CEMIP: variants seen among roughly 807,000 people sequenced by gnomAD.
The protein encoded by CEMIP is cell migration inducing hyaluronidase 1.
A neutral mutation model predicts 156.9 loss-of-function variants in CEMIP; 105 were observed. The observed-to-expected ratio is 0.67, with a 90% CI of 0.57 to 0.79. CEMIP has a LOEUF of 0.79. Among genes scored for constraint, CEMIP ranks in the 30% least tolerant of loss-of-function variants. The probability of loss-of-function intolerance (pLI) is 0.00; values close to 1 mark genes in which losing one functional copy is unlikely to be tolerated. For missense variants in CEMIP, 1,457 were observed against 1,769.4 expected, an observed-to-expected ratio of 0.82 and a Z score of 3.17; for synonymous variants, 676 against 668.4, an observed-to-expected ratio of 1.01 and a Z score of -0.17.
At chr15:80,889,159 C>T (rs1284277584) in intron 9 of CEMIP, among the ~76,000 whole-genome samples, 2 of 152,220 alleles carry the variant, frequency 1.3e-5, no homozygotes, top group Admixed American at 1.3e-4. Context: ...AAGCAGCAAT[C>T]CTAGTTGCAG....
Position 80,909,300 on chromosome 15 carries a change from C to T in CEMIP, c.1791C>T (p.Gly597=), listed in dbSNP as rs763278363. The T allele has an allele frequency of 1.9e-6, 3 of 1,613,996 alleles. No homozygotes were observed. Among genetic ancestry groups the T allele is most frequent in the Middle Eastern group, 1.6e-4 (1 of 6,062 alleles). The change falls in exon 14 of 30, where the codon GGC becomes GGT. Residue 597 remains glycine (G), a synonymous_variant. Transcript: ENST00000394685. ...GCGTCACAGTCCATGGCTCCAATGG[C>T]TTGTTGGTAAGAACCTCCTTCCCTC... ...SRCVTVHGSN[G]LLIKDVVGYN...
rs1268316044 is a variant in CEMIP, at chr15:80,949,168, C to T, written c.*244C>T. On this transcript the variant is annotated 3_prime_UTR_variant, in exon 30 of 30. Transcript: ENST00000394685. Reference sequence around the variant, plus strand: ...AATGCTGGAAACATTCACTTTCCTGCAGCCTCTTGGGTGCTTCTCTCCTAT... The same window carrying T: ...AATGCTGGAAACATTCACTTTCCTGTAGCCTCTTGGGTGCTTCTCTCCTAT... The T allele has an allele frequency of 9.0e-6, 5 of 558,400 alleles. No homozygotes were observed. Among genetic ancestry groups the T allele is most frequent in the Non-Finnish European group, 1.3e-5 (4 of 309,924 alleles). The allele number at this position is 558,400 out of a possible 1,614,324, so 34.6% of individuals were successfully genotyped here.
chr15:80,785,340 A>G lies in CEMIP; in HGVS notation c.-176+5726A>G, dbSNP rs187367496. On this transcript the variant is annotated intron_variant, in intron 1 of 29. Coordinates refer to ENST00000394685, the MANE Select transcript of CEMIP (RefSeq NM_001293298.2). ...AATTAAGGCCCAATTATCTTCCTCAACCCCCTCCCTGTGGCACTCCTGGGA... is the reference window on the plus strand; with the variant it reads ...AATTAAGGCCCAATTATCTTCCTCAGCCCCCTCCCTGTGGCACTCCTGGGA... Among the ~76,000 whole-genome samples, 1,260 of 151,854 alleles carry G rather than the reference A, an allele frequency of 8.3e-3. 6 individuals carry two copies. The highest frequency in any genetic ancestry group is 0.014 in the Non-Finnish European group (920 of 67,938).
chr15:80,935,815 T>C (rs1901099636), intron 23 of CEMIP, among the ~76,000 whole-genome samples: 1 of 152,078 alleles, frequency 6.6e-6, no homozygotes, highest in African/African-American at 2.4e-5. Context: ...CTCGGCTCAC[T>C]GCAACCCCCG....
intron 12 of CEMIP, among the ~76,000 whole-genome samples, chr15:80,903,645 C>A (rs1377890373): frequency 1.3e-5 from 2 of 152,112 alleles, no homozygotes; most frequent in Non-Finnish European, 2.9e-5. Flanking sequence ...CTTTGCCATC[C>A]CCTGCCTGGC....
At chr15:80,799,291 C>A (rs1034377911) in intron 1 of CEMIP, among the ~76,000 whole-genome samples, 1 of 152,206 alleles carries the variant, frequency 6.6e-6, no homozygotes, top group African/African-American at 2.4e-5. Context: ...CTTGTGAGCA[C>A]GAGATCTAGG....
rs1191327612 is a variant in CEMIP at position 80,878,905 on chromosome 15, A to T, written c.241+38A>T. 6 of 1,613,030 alleles carry T rather than the reference A, an allele frequency of 3.7e-6. No individual in the cohort carries two copies. In the South Asian group the frequency reaches 6.6e-5, roughly 18 times the overall value. ...CTCTCTGCTGCTCCCTCTTCCCTCCACTGCCCCAGAGCTTAGCAGATAGGA... is the reference window on the plus strand; with the variant it reads ...CTCTCTGCTGCTCCCTCTTCCCTCCTCTGCCCCAGAGCTTAGCAGATAGGA... On this transcript the variant is annotated intron_variant, in intron 4 of 29. Coordinates refer to ENST00000394685, the MANE Select transcript of CEMIP (RefSeq NM_001293298.2).
chr15:80,896,411 G>A (rs1370735743), intron 12 of CEMIP: 1 of 489,594 alleles, frequency 2.0e-6, no homozygotes, highest in Admixed American at 2.3e-5. Context: ...CTCAAAGATG[G>A]CACATTCTCA....
rs186440190 is a variant in CEMIP, at chr15:80,875,475, A to T, written c.94+1502A>T. 5.9e-5 allele frequency among the ~76,000 whole-genome samples: 9 copies of T among 152,300 alleles called. No homozygotes were observed. The East Asian group carries it at 1.7e-3, about 29-fold the overall frequency. On this transcript the variant is annotated intron_variant, in intron 3 of 29. Transcript: ENST00000394685. ...GGAACTGGGTTTGGGTTTATCTTTT[A>T]GGGTGACTTATCCTAAAAGTGATCC...
chr15:80,900,638 G>GTGTCTGTGTC lies in CEMIP; in HGVS notation c.1411+4581_1411+4582insCTGTGTCTGT, dbSNP rs1899466705. Among the ~76,000 whole-genome samples, 7 of 101,966 alleles carry GTGTCTGTGTC rather than the reference G, an allele frequency of 6.9e-5. No individual in the cohort carries two copies. In the East Asian group the frequency reaches 1.2e-3, roughly 17 times the overall value. 66.9% of individuals were successfully genotyped at this position (101,966 alleles called of 152,430 possible). A position where few individuals can be genotyped will look rare whatever the true frequency, so the allele number is the denominator to read the frequency against. ...TGTGTGTGTGTGTGTGTGTGTGTGT[G>GTGTCTGTGTC]TGTGTGTGTGTCTGTGTGTGTGTCT... On this transcript the variant is annotated intron_variant, in intron 12 of 29. Coordinates refer to ENST00000394685, the MANE Select transcript of CEMIP (RefSeq NM_001293298.2).
chr15:80,884,584 G>T (rs746962981), intron 7 of CEMIP, among the ~76,000 whole-genome samples: 3 of 152,194 alleles, frequency 2.0e-5, no homozygotes, highest in Non-Finnish European at 4.4e-5. Context: ...ACAAAAGCTC[G>T]CTGTTTATAT....
chr15:80,877,316 C>T (rs1898509067), intron 3 of CEMIP, among the ~76,000 whole-genome samples: 1 of 152,184 alleles, frequency 6.6e-6, no homozygotes, highest in African/African-American at 2.4e-5. Context: ...GAGACACAGC[C>T]TCTCCTAGGC....
chr15:80,934,628 G>A (rs774384853), intron 23 of CEMIP, among the ~76,000 whole-genome samples: 3 of 152,152 alleles, frequency 2.0e-5, no homozygotes, highest in African/African-American at 2.4e-5. Flanking sequence ...GTGGGTGTCA[G>A]GAATTGGGGT....
chr15:80,816,378 A>T (rs1161753152), intron 1 of CEMIP, among the ~76,000 whole-genome samples: 4 of 152,128 alleles, frequency 2.6e-5, no homozygotes, highest in African/African-American at 7.2e-5. Context: ...GTCTGTCTGG[A>T]TGTTTCCTCG....
intron 3 of CEMIP, among the ~76,000 whole-genome samples, chr15:80,875,940 G>C (rs1898459660): frequency 6.6e-6 from 1 of 152,222 alleles, no homozygotes; most frequent in Non-Finnish European, 1.5e-5. Context: ...GAGCTGGGAT[G>C]TGTGCTCACA....
chr15:80,879,679 T>C (rs2141824467), intron 4 of CEMIP, 37 bp from the exon 5 acceptor site: 6 of 1,613,704 alleles, frequency 3.7e-6, no homozygotes, highest in Non-Finnish European at 5.1e-6. Flanking sequence ...CCCTTAACAC[T>C]GTGTTATTAA....
At chr15:80,842,740 A>AG (rs1336948306) in intron 1 of CEMIP, among the ~76,000 whole-genome samples, 1 of 152,116 alleles carries the variant, frequency 6.6e-6, no homozygotes, top group Non-Finnish European at 1.5e-5. Context: ...CTCAAAAAAA[A>AG]AGAGAGAGAG....
chr15:80,859,531 C>T (rs1897933822), intron 1 of CEMIP, among the ~76,000 whole-genome samples: 1 of 152,212 alleles, frequency 6.6e-6, no homozygotes, highest in Non-Finnish European at 1.5e-5. Flanking sequence ...AAGGCCTTTG[C>T]CCCACAAGGC....
intron 1 of CEMIP, among the ~76,000 whole-genome samples, chr15:80,864,813 T>G (rs1407333958): frequency 6.6e-6 from 1 of 152,246 alleles, no homozygotes; most frequent in East Asian, 1.9e-4. Context: ...TTCTCAAACG[T>G]AAGCGCTTAT....
Sources: allele counts gnomAD v4.1 joint callset (sites outside exome capture counted in the v4.1 genomes callset), GRCh38; gene constraint gnomAD v4.1.1; transcripts MANE v1.5; gene names NCBI Gene and HGNC (gene_info 2026-07-23, HGNC 2026-07-21).